The following PCCA variants were observed in gnomAD, a reference collection of about 807,000 sequenced individuals.
The protein encoded by PCCA is propionyl-CoA carboxylase subunit alpha, also known as propionyl-CoA carboxylase alpha chain, mitochondrial.
PCCA carries 74 observed loss-of-function variants against 101.3 expected under a neutral mutation model. The observed-to-expected ratio is 0.73, with a 90% CI of 0.61 to 0.89. PCCA has a LOEUF of 0.89. Among genes scored for constraint, PCCA ranks in the 40% least tolerant of loss-of-function variants. The pLI, the probability that PCCA is intolerant of heterozygous loss-of-function variation, is 0.00. For synonymous variants in PCCA, 294 were observed against 313.6 expected (o/e 0.94, Z 0.66); for missense variants, 891 against 907.0 (o/e 0.98, Z 0.23).
At chr13:100,185,921 A>G (rs574924170) in intron 6 of PCCA, among the ~76,000 whole-genome samples, 61 of 152,368 alleles carry the variant, frequency 4.0e-4, no homozygotes, top group African/African-American at 1.4e-3. Flanking sequence ...TGCTGGGATT[A>G]CAGGCGTAAG....
At chr13:100,345,445 C>T (rs978259288) in intron 18 of PCCA, among the ~76,000 whole-genome samples, 2 of 152,206 alleles carry the variant, frequency 1.3e-5, no homozygotes, top group African/African-American at 2.4e-5. Flanking sequence ...AAGGCCCTAA[C>T]TCTCTTCAAT....
chr13:100,244,950 TG>T (rs2061351072), intron 8 of PCCA, among the ~76,000 whole-genome samples: 1 of 132,042 alleles, frequency 7.6e-6, no homozygotes, highest in African/African-American at 2.8e-5. Flanking sequence ...TGTGTGTGTG[TG>T]TGTGTGTGTG....
chr13:100,380,938 C>A (rs2076190685), intron 19 of PCCA, among the ~76,000 whole-genome samples: 1 of 152,170 alleles, frequency 6.6e-6, no homozygotes, highest in South Asian at 2.1e-4. Context: ...TCTGAATAGA[C>A]GTTTCTCCAA....
At position 100,452,396 on chromosome 13, in the gene PCCA, G is replaced by C. The variant is rs146003012; in HGVS notation, c.1899+3091G>C. On this transcript the variant is annotated intron_variant, in intron 21 of 23. Transcript: ENST00000376285. ...GTCCATCACTAATAGAGCAGGAAAA[G>C]GAGTCCTTTGAAAACATCCCTTGGT... Among the ~76,000 whole-genome samples the C allele has an allele frequency of 7.6e-3, 1,156 of 152,196 alleles. 13 individuals carry two copies. Among genetic ancestry groups the C allele is most frequent in the African/African-American group, 0.026 (1,086 of 41,534 alleles).
At chr13:100,262,664 C>T (rs546290862) in intron 9 of PCCA, 65 bp from the exon 10 acceptor site, 13 of 778,710 alleles carry the variant, frequency 1.7e-5, no homozygotes, top group South Asian at 8.5e-5. Flanking sequence ...CTCTTCTTCT[C>T]CTTCTTCCCC....
intron 4 of PCCA, among the ~76,000 whole-genome samples, chr13:100,117,514 A>C (rs1473404514): frequency 6.6e-6 from 1 of 151,854 alleles, no homozygotes; most frequent in Non-Finnish European, 1.5e-5. Flanking sequence ...TCAGCAAACT[A>C]TCACAGGGAC....
intron 16 of PCCA, among the ~76,000 whole-genome samples, chr13:100,315,771 G>T (rs1272971119): frequency 6.6e-6 from 1 of 152,070 alleles, no homozygotes; most frequent in East Asian, 1.9e-4. Context: ...ATGGGACCTG[G>T]TGAACTCTGC....
At chr13:100,302,814 C>A in intron 13 of PCCA, 110 bp from the exon 14 acceptor site, 1 of 755,166 alleles carries the variant, frequency 1.3e-6, no homozygotes, top group Admixed American at 1.8e-5. Flanking sequence ...TTGGTAAATA[C>A]CATATGTTGA....
Position 100,220,670 on chromosome 13 carries a change from C to T in PCCA, c.600+11207C>T, listed in dbSNP as rs1313827409. ...CCCTTTCTAATAGGTCTTCCTATTT[C>T]CCTCTCCTTGCTCCCCACTTTGTAA... On this transcript the variant is annotated intron_variant, in intron 7 of 23. Coordinates refer to ENST00000376285, the MANE Select transcript of PCCA (RefSeq NM_000282.4). Among the ~76,000 whole-genome samples the T allele has an allele frequency of 5.9e-5, 9 of 152,182 alleles. No homozygotes were observed. The South Asian group carries it at 6.2e-4, about 11-fold the overall frequency.
intron 10 of PCCA, among the ~76,000 whole-genome samples, chr13:100,263,663 G>GA (rs2062678608): frequency 1.3e-5 from 2 of 152,058 alleles, no homozygotes; most frequent in Non-Finnish European, 2.9e-5. Context: ...TATATAATCA[G>GA]TTGGATGTTT....
chr13:100,300,853 C>G (rs2066005551), intron 12 of PCCA, among the ~76,000 whole-genome samples: 1 of 152,226 alleles, frequency 6.6e-6, no homozygotes, highest in African/African-American at 2.4e-5. Flanking sequence ...GCTGAGAGAG[C>G]AGAGCGATCG....
intron 7 of PCCA, among the ~76,000 whole-genome samples, chr13:100,229,406 C>T (rs1443135081): frequency 6.6e-6 from 1 of 152,210 alleles, no homozygotes; most frequent in Non-Finnish European, 1.5e-5. Context: ...AAGACCTGTG[C>T]TAACATTCTT....
At chr13:100,111,819 A>C (rs752004238) in intron 2 of PCCA, 22 bp from the exon 3 acceptor site, 4 of 1,543,186 alleles carry the variant, frequency 2.6e-6, no homozygotes, top group East Asian at 4.5e-5. Flanking sequence ...ATTTCTAATG[A>C]ATGTGTTTTT....
chr13:100,355,454 A>G (rs2073869517), intron 18 of PCCA, among the ~76,000 whole-genome samples: 1 of 152,030 alleles, frequency 6.6e-6, no homozygotes, highest in African/African-American at 2.4e-5. Context: ...GTTAGAACTA[A>G]TGAGTCCTGG....
chr13:100,231,771 G>A (rs560744410), intron 7 of PCCA, among the ~76,000 whole-genome samples: 2 of 151,692 alleles, frequency 1.3e-5, no homozygotes, highest in South Asian at 2.1e-4. Flanking sequence ...AAGGTCTTGC[G>A]ATGTTGCTTA....
At chr13:100,266,851 T>C (rs2062970766) in intron 10 of PCCA, among the ~76,000 whole-genome samples, 1 of 152,228 alleles carries the variant, frequency 6.6e-6, no homozygotes, top group Admixed American at 6.5e-5. Flanking sequence ...TAAAGCTTTT[T>C]CAGGAAGCAG....
In PCCA at chr13:100,410,493, G is replaced by A. The variant is rs2077977462; in HGVS notation, c.1747-15140G>A. 8.6e-5 allele frequency among the ~76,000 whole-genome samples: 13 copies of A among 151,188 alleles called. No homozygotes were observed. In the South Asian group the frequency reaches 2.5e-3, roughly 29 times the overall value. ...CTTGACCTCGTGATCCACCTGCCTT[G>A]GCCTCCCAAAGTGCTGGGATTACAG... On this transcript the variant is annotated intron_variant, in intron 19 of 23. Transcript: ENST00000376285.
intron 4 of PCCA, among the ~76,000 whole-genome samples, chr13:100,133,430 A>G (rs1166596099): frequency 1.3e-5 from 2 of 152,052 alleles, no homozygotes; most frequent in Admixed American, 6.5e-5. Flanking sequence ...TTTTTCATCT[A>G]TAGGTTGTGT....
In PCCA at chr13:100,516,996, C is replaced by T. The variant is rs538146097; in HGVS notation, c.2040+1429C>T. On this transcript the variant is annotated intron_variant, in intron 22 of 23. Transcript: ENST00000376285. ...GGAAGGCATCTATCTAGTCTGTATA[C>T]TGCCAGCCTGAGCTTTCCACTCCTA... 1.3e-4 allele frequency among the ~76,000 whole-genome samples: 19 copies of T among 140,754 alleles called. No individual in the cohort carries two copies. In the South Asian group the frequency reaches 3.7e-3, roughly 27 times the overall value. The allele number at this position is 140,754 out of a possible 152,430, so 92.3% of individuals were successfully genotyped here.
Sources: allele counts gnomAD v4.1 joint callset (sites outside exome capture counted in the v4.1 genomes callset), GRCh38; gene constraint gnomAD v4.1.1; transcripts MANE v1.5; gene names NCBI Gene and HGNC (gene_info 2026-07-23, HGNC 2026-07-21).